Variants in NME8 observed in about 807,000 individuals in gnomAD.
NME8 encodes protein NME8.
A neutral mutation model predicts 82.3 loss-of-function variants in NME8; 72 were observed. The ratio of observed to expected loss-of-function variants is 0.87; its 90% CI spans 0.72 to 1.06. NME8 has a LOEUF of 1.06. Ranked by LOEUF, NME8 falls within the 50% of genes least tolerant of loss-of-function variation. The probability of loss-of-function intolerance (pLI) is 0.00; values close to 1 mark genes in which losing one functional copy is unlikely to be tolerated. For synonymous variants in NME8, 267 were observed against 228.5 expected, an observed-to-expected ratio of 1.17 and a Z score of -1.52; for missense variants, 712 against 685.4, an observed-to-expected ratio of 1.04 and a Z score of -0.43.
At chr7:37,858,894 A>G (rs1784554335) in intron 6 of NME8, among the ~76,000 whole-genome samples, 1 of 152,090 alleles carries the variant, frequency 6.6e-6, no homozygotes, top group Non-Finnish European at 1.5e-5. Context: ...CCCTACAGTA[A>G]TGAGTGAGTT....
At chr7:37,851,107 A>G (rs142193395) in intron 5 of NME8, among the ~76,000 whole-genome samples, 1 of 152,344 alleles carries the variant, frequency 6.6e-6, no homozygotes, top group East Asian at 1.9e-4. Context: ...CCCAGTTACC[A>G]TATTTTCCAG....
chr7:37,895,786 A>G (rs1296193746), intron 16 of NME8, among the ~76,000 whole-genome samples: 1 of 152,180 alleles, frequency 6.6e-6, no homozygotes, highest in African/African-American at 2.4e-5. Context: ...TTGTGTTCAT[A>G]TATGTTTAGA....
intron 11 of NME8, among the ~76,000 whole-genome samples, chr7:37,872,483 A>G (rs983406924): frequency 2.6e-5 from 4 of 152,214 alleles, no homozygotes; most frequent in African/African-American, 4.8e-5. Flanking sequence ...AAACCCTTAA[A>G]TAAAATAACA....
At chr7:37,853,080 G>T (rs926869510) in intron 5 of NME8, among the ~76,000 whole-genome samples, 6 of 152,062 alleles carry the variant, frequency 3.9e-5, no homozygotes, top group African/African-American at 1.4e-4. Flanking sequence ...GATTATGTGA[G>T]GTGGAGCATC....
intron 6 of NME8, among the ~76,000 whole-genome samples, chr7:37,860,275 A>G (rs1208612503): frequency 6.6e-6 from 1 of 152,126 alleles, no homozygotes; most frequent in Non-Finnish European, 1.5e-5. Context: ...AGTTGGTCAG[A>G]AGACTTTTTA....
intron 12 of NME8, among the ~76,000 whole-genome samples, chr7:37,879,748 A>G (rs1206821239): frequency 6.6e-6 from 1 of 152,186 alleles, no homozygotes; most frequent in African/African-American, 2.4e-5. Context: ...CTGTAAAAGT[A>G]TGTATAGTTT....
At chr7:37,871,858 T>TA in intron 11 of NME8, among the ~76,000 whole-genome samples, 1 of 152,300 alleles carries the variant, frequency 6.6e-6, no homozygotes, top group South Asian at 2.1e-4. Context: ...ATACAATTCC[T>TA]AAAATAATCC....
chr7:37,871,967 T>A (rs967991721), intron 11 of NME8, among the ~76,000 whole-genome samples: 1 of 151,948 alleles, frequency 6.6e-6, no homozygotes. Flanking sequence ...AAGGGAAGCT[T>A]AACTGATAAG....
intron 15 of NME8, among the ~76,000 whole-genome samples, chr7:37,890,492 G>A (rs760264224): frequency 6.6e-6 from 1 of 151,742 alleles, no homozygotes; most frequent in Non-Finnish European, 1.5e-5. Context: ...TATACAATGC[G>A]ATATTATTAA....
intron 6 of NME8, among the ~76,000 whole-genome samples, chr7:37,858,278 A>T (rs1056340654): frequency 2.0e-5 from 3 of 152,148 alleles, no homozygotes; most frequent in Admixed American, 6.6e-5. Flanking sequence ...TACTCATTAA[A>T]AACACATCTT....
At chr7:37,882,225 T>C (rs919837432) in intron 12 of NME8, among the ~76,000 whole-genome samples, 2 of 152,278 alleles carry the variant, frequency 1.3e-5, no homozygotes, top group South Asian at 2.1e-4. Context: ...CTGTGGTTCA[T>C]GCCTGTAGTA....
rs142690345 is a variant in NME8, at chr7:37,860,453, T to G, written c.271-1575T>G. Reference sequence around the variant, plus strand: ...CATCATTTGTACCTCTTAAATGGTTTGAATATGGTGACCATGCCCTCCTTT... The same window carrying G: ...CATCATTTGTACCTCTTAAATGGTTGGAATATGGTGACCATGCCCTCCTTT... On this transcript the variant is annotated intron_variant, in intron 6 of 17. Coordinates refer to ENST00000199447, the MANE Select transcript of NME8 (RefSeq NM_016616.5). Among the ~76,000 whole-genome samples the G allele has an allele frequency of 2.1e-3, 322 of 152,366 alleles. 2 individuals are homozygous for G. Among genetic ancestry groups the G allele is most frequent in the African/African-American group, 7.4e-3 (309 of 41,590 alleles).
At chr7:37,877,647 A>G (rs974466918) in intron 12 of NME8, among the ~76,000 whole-genome samples, 16 of 152,182 alleles carry the variant, frequency 1.1e-4, no homozygotes, top group Admixed American at 5.9e-4. Context: ...ATTTCTATGT[A>G]GACCAGGATT....
At position 37,888,265 on chromosome 7, in the gene NME8, T is replaced by G; in HGVS notation, c.1248-12T>G. ...GTTCTAATAGCTTTTAAACCTGACT[T>G]CTTTTTCAAAGTTTATGTGCACAGT... On this transcript the variant is annotated splice_polypyrimidine_tract_variant and intron_variant, in intron 14 of 17. Transcript: ENST00000199447. 6.2e-7 allele frequency: 1 copy of G among 1,613,264 alleles called. No individual in the cohort carries two copies. The highest frequency in any genetic ancestry group is 8.5e-7 in the Non-Finnish European group (1 of 1,179,402).
At chr7:37,881,715 T>C (rs1008647386) in intron 12 of NME8, among the ~76,000 whole-genome samples, 4 of 152,230 alleles carry the variant, frequency 2.6e-5, no homozygotes, top group Admixed American at 1.3e-4. Context: ...AAATAAATTG[T>C]TTCCAGAGAA....
At chr7:37,877,210 T>C (rs1784869060) in intron 12 of NME8, among the ~76,000 whole-genome samples, 1 of 152,236 alleles carries the variant, frequency 6.6e-6, no homozygotes, top group Non-Finnish European at 1.5e-5. Flanking sequence ...TATTTTCTAA[T>C]CTGTGAATTT....
At position 37,865,437 on chromosome 7, in the gene NME8, G is replaced by T. The variant is rs190025833; in HGVS notation, c.529-88G>T. On this transcript the variant is annotated intron_variant, in intron 9 of 17. Coordinates refer to ENST00000199447, the MANE Select transcript of NME8 (RefSeq NM_016616.5). Reference sequence around the variant, plus strand: ...TCTTATAGAAAATGTATTGAAAGCTGGTGGTTTGTTAAGCCCAAAAAACAA... The same window carrying T: ...TCTTATAGAAAATGTATTGAAAGCTTGTGGTTTGTTAAGCCCAAAAAACAA... 5,310 of 840,058 alleles carry T rather than the reference G, an allele frequency of 6.3e-3. 24 individuals are homozygous for T. Among genetic ancestry groups the T allele is most frequent in the Middle Eastern group, 0.012 (55 of 4,524 alleles). 52.0% of individuals were successfully genotyped at this position (840,058 alleles called of 1,614,324 possible).
chr7:37,873,665 T>C (rs1034453063), intron 11 of NME8, among the ~76,000 whole-genome samples: 2 of 152,210 alleles, frequency 1.3e-5, no homozygotes, highest in Non-Finnish European at 2.9e-5. Flanking sequence ...TTACAGTACA[T>C]TGCAGAAATT....
intron 15 of NME8, among the ~76,000 whole-genome samples, chr7:37,890,845 T>C (rs1317711808): frequency 6.6e-6 from 1 of 151,972 alleles, no homozygotes; most frequent in East Asian, 1.9e-4. Flanking sequence ...TGATAATAAA[T>C]AGGTTGATTT....
Sources: gnomAD v4.1 joint callset for allele counts (sites outside exome capture counted in the v4.1 genomes callset) on GRCh38, gnomAD v4.1.1 for gene constraint, MANE v1.5 for transcripts, NCBI Gene and HGNC (gene_info 2026-07-23, HGNC 2026-07-21) for gene names.